Variants in ACOX1 observed in about 807,000 individuals in gnomAD.
ACOX1 encodes the protein peroxisomal acyl-coenzyme A oxidase 1.
ACOX1 carries 41 observed loss-of-function variants against 75.5 expected under a neutral mutation model. That is an observed-to-expected ratio of 0.54 (90% CI 0.42 to 0.70). ACOX1 has a LOEUF of 0.70. Ranked by LOEUF, ACOX1 falls within the 30% of genes least tolerant of loss-of-function variation. The pLI is 0.00. For missense variants in ACOX1, 630 were observed against 837.5 expected, an observed-to-expected ratio of 0.75 and a Z score of 3.06; for synonymous variants, 303 against 298.8, an observed-to-expected ratio of 1.01 and a Z score of -0.15.
chr17:75,965,052 A>G lies in ACOX1; in HGVS notation c.270-4677T>C, dbSNP rs547856680. On this transcript the variant is annotated intron_variant, in intron 2 of 13. Transcript: ENST00000293217. ...AGGCTATAAGGGAAAAAAAATTAAC[A>G]GCACTCAGGCGTGGTGGCTCACACC... Among the ~76,000 whole-genome samples the G allele has an allele frequency of 2.0e-5, 3 of 152,270 alleles. No individual in the cohort carries two copies. In the South Asian group the frequency reaches 6.2e-4, roughly 32 times the overall value.
chr17:75,973,367 T>C (rs192832077), intron 2 of ACOX1: 1 of 517,660 alleles, frequency 1.9e-6, no homozygotes, highest in East Asian at 3.5e-5. Flanking sequence ...GGTTCCCCGC[T>C]GCACTGTAAA....
In ACOX1 at chr17:75,978,315, G is replaced by C. The variant is rs1033028989; in HGVS notation, c.269+219C>G. Among the ~76,000 whole-genome samples, 4 of 151,862 alleles carry C rather than the reference G, an allele frequency of 2.6e-5. No individual in the cohort carries two copies. The highest frequency in any genetic ancestry group is 5.9e-5 in the Non-Finnish European group (4 of 67,948). On this transcript the variant is annotated intron_variant, in intron 2 of 13. Transcript: ENST00000293217. This position sits in a 1 kb window ranked among gnomAD's most constrained non-coding sequence, Gnocchi z 4.2. ...TCACCGTGTTAGCCAGAATGGTCTC[G>C]ATCTCCTGACTTGGTGATCCGCCCG...
At chr17:75,965,004 A>G (rs1050962142) in intron 2 of ACOX1, among the ~76,000 whole-genome samples, 1 of 152,156 alleles carries the variant, frequency 6.6e-6, no homozygotes, top group African/African-American at 2.4e-5. Context: ...AAATACCACA[A>G]TAAGTGAATT....
intron 6 of ACOX1, among the ~76,000 whole-genome samples, chr17:75,954,154 T>A (rs911193889): frequency 2.6e-4 from 40 of 151,168 alleles, no homozygotes; most frequent in African/African-American, 9.5e-4. Flanking sequence ...AGGCGGAGGT[T>A]TCAGTGAGCT....
intron 2 of ACOX1, among the ~76,000 whole-genome samples, chr17:75,973,955 C>T (rs1472749012): frequency 6.6e-6 from 1 of 152,178 alleles, no homozygotes; most frequent in Admixed American, 6.5e-5. Context: ...AAGCCAGCAG[C>T]AGAACCTGAT....
intron 2 of ACOX1, among the ~76,000 whole-genome samples, chr17:75,972,078 CT>C (rs143057762): frequency 0.053 from 8,111 of 152,206 alleles, 234 homozygotes; most frequent in East Asian, 0.095. Context: ...TGGCTCATGC[CT>C]TGTAATCCCA....
intron 2 of ACOX1, among the ~76,000 whole-genome samples, chr17:75,975,806 G>A (rs2066042967): frequency 6.6e-6 from 1 of 151,806 alleles, no homozygotes; most frequent in South Asian, 2.1e-4. Flanking sequence ...GCTGGGTGAG[G>A]TGGCAGATGC....
Position 75,942,157 on chromosome 17 carries a change from A to C in ACOX1, c.*4591T>G, listed in dbSNP as rs1446979659. 1 of 152,184 alleles carries C rather than the reference A, an allele frequency of 6.6e-6. No homozygotes were observed. Among genetic ancestry groups the C allele is most frequent in the Non-Finnish European group, 1.5e-5 (1 of 68,058 alleles). The allele number at this position is 152,184 out of a possible 1,614,324, so 9.4% of individuals were successfully genotyped here. A position where few individuals can be genotyped will look rare whatever the true frequency, so the allele number is the denominator to read the frequency against. ...GGACAGTTAAAAACACTGGCCCGGCACGGTGGCTCACGCCTGTAATCCCAG... is the reference window on the plus strand; with the variant it reads ...GGACAGTTAAAAACACTGGCCCGGCCCGGTGGCTCACGCCTGTAATCCCAG... On this transcript the variant is annotated 3_prime_UTR_variant, in exon 14 of 14. Transcript: ENST00000293217.
chr17:75,973,393 C>T (rs758704232), intron 2 of ACOX1: 9 of 565,180 alleles, frequency 1.6e-5, no homozygotes, highest in Non-Finnish European at 2.9e-5. Context: ...TCTTTTCAAG[C>T]TGTTCAATAA....
At chr17:75,954,536 G>T (rs1302477831) in intron 6 of ACOX1, among the ~76,000 whole-genome samples, 3 of 149,286 alleles carry the variant, frequency 2.0e-5, no homozygotes, top group Non-Finnish European at 3.0e-5. Context: ...AAAAAAAAAG[G>T]GGCATCAGAA....
Position 75,960,862 on chromosome 17 carries a change from C to T in ACOX1, c.270-487G>A, listed in dbSNP as rs148094413. Among the ~76,000 whole-genome samples the T allele has an allele frequency of 6.1e-3, 923 of 152,024 alleles. 6 individuals carry two copies. The highest frequency in any genetic ancestry group is 8.6e-3 in the Non-Finnish European group (582 of 67,986). On this transcript the variant is annotated intron_variant, in intron 2 of 13. Transcript: ENST00000293217. The surrounding 1 kb of genome is among the most constrained non-coding windows in gnomAD (Gnocchi z 4.4). ...ACGTGGTGGCGCCAGCCAGTAGTCCCAGCTATTTGGGAGCCTGAGGCAGGA... is the reference window on the plus strand; with the variant it reads ...ACGTGGTGGCGCCAGCCAGTAGTCCTAGCTATTTGGGAGCCTGAGGCAGGA...
chr17:75,951,536 T>A lies in ACOX1; in HGVS notation c.986A>T (p.Tyr329Phe). Residue 329 changes from tyrosine to phenylalanine, a missense_variant, in exon 8 of 14, where the codon TAT becomes TTT. Tyr to Phe is a conservative substitution (Grantham distance 22). Coordinates refer to ENST00000293217, the MANE Select transcript of ACOX1 (RefSeq NM_004035.7). The stretch of plus-strand genomic sequence containing the variant: ...AGTGGCCAGGAGTGGAAAGAGTTTA[T>A]ACTGCTGGGTTTGAAAATCCAAAAT... Reference protein sequence around the residue: ...PQILDFQTQQYKLFPLLATAY... With the variant: ...PQILDFQTQQFKLFPLLATAY... The A allele has an allele frequency of 1.2e-6, 2 of 1,614,170 alleles. No homozygotes were observed. Among genetic ancestry groups the A allele is most frequent in the East Asian group, 4.5e-5 (2 of 44,876 alleles).
chr17:75,967,630 A>G (rs1025469556), intron 2 of ACOX1, among the ~76,000 whole-genome samples: 8 of 95,482 alleles, frequency 8.4e-5, no homozygotes, highest in Non-Finnish European at 1.4e-4. Flanking sequence ...ATATATATAT[A>G]CATACATATA....
chr17:75,945,267 C>T lies in ACOX1; in HGVS notation c.*1481G>A, dbSNP rs1428586724. 6.6e-6 allele frequency: 1 copy of T among 152,126 alleles called. No homozygotes were observed. Among genetic ancestry groups the T allele is most frequent in the Non-Finnish European group, 1.5e-5 (1 of 68,024 alleles). 9.4% of individuals were successfully genotyped at this position (152,126 alleles called of 1,614,324 possible). A position where few individuals can be genotyped will look rare whatever the true frequency, so the allele number is the denominator to read the frequency against. On this transcript the variant is annotated 3_prime_UTR_variant, in exon 14 of 14. Coordinates refer to ENST00000293217, the MANE Select transcript of ACOX1 (RefSeq NM_004035.7). The stretch of plus-strand genomic sequence containing the variant: ...TCTAGCAGGTCAGTTTATCATTTTC[C>T]AGAATCTGAACTACTGTCAGGATAG...
intron 2 of ACOX1, among the ~76,000 whole-genome samples, chr17:75,965,747 C>A (rs1428773944): frequency 6.6e-6 from 1 of 151,990 alleles, no homozygotes; most frequent in African/African-American, 2.4e-5. Context: ...GCAGGAGGAT[C>A]CCTTCAGTCT....
intron 4 of ACOX1, among the ~76,000 whole-genome samples, chr17:75,956,828 G>C (rs1436880659): frequency 6.9e-6 from 1 of 145,780 alleles, no homozygotes; most frequent in African/African-American, 2.6e-5. Flanking sequence ...TTGAACTCTT[G>C]GGCTCAAGTG....
At chr17:75,968,660 T>C (rs1231989486) in intron 2 of ACOX1, among the ~76,000 whole-genome samples, 2 of 143,696 alleles carry the variant, frequency 1.4e-5, no homozygotes, top group East Asian at 4.2e-4. Context: ...CAGTGGCTCA[T>C]GCCTGTAATC....
chr17:75,969,717 G>A (rs1224020177), intron 2 of ACOX1, among the ~76,000 whole-genome samples: 2 of 152,176 alleles, frequency 1.3e-5, no homozygotes, highest in African/African-American at 4.8e-5. Flanking sequence ...AAGTGTTAAT[G>A]ATGGCAATTT....
intron 3 of ACOX1, among the ~76,000 whole-genome samples, chr17:75,958,151 G>A (rs1424357432): frequency 2.0e-5 from 3 of 151,612 alleles, no homozygotes; most frequent in Non-Finnish European, 2.9e-5. Context: ...TCAGGAGATC[G>A]AGTCCATCCT....
Sources: gnomAD v4.1 joint callset for allele counts (sites outside exome capture counted in the v4.1 genomes callset) on GRCh38, gnomAD v4.1.1 for gene constraint, Gnocchi (gnomAD v3.1) non-coding constraint, MANE v1.5 for transcripts, NCBI Gene and HGNC (gene_info 2026-07-23, HGNC 2026-07-21) for gene names.